Variants in SRGAP3 observed in about 807,000 individuals in gnomAD.
The protein encoded by SRGAP3 is SLIT-ROBO Rho GTPase activating protein 3.
A neutral mutation model predicts 121.1 loss-of-function variants in SRGAP3; 39 were observed. That is an observed-to-expected ratio of 0.32 (90% confidence interval 0.25 to 0.42). SRGAP3 has a LOEUF of 0.42. SRGAP3 is among the 10% of genes least tolerant of loss of function. The pLI, the probability that SRGAP3 is intolerant of heterozygous loss-of-function variation, is 1.00. For missense variants in SRGAP3, 1,213 were observed against 1,470.6 expected (o/e 0.82, Z 2.86); for synonymous variants, 601 against 570.0 (o/e 1.05, Z -0.77).
rs1953927161 is a variant in SRGAP3, at chr3:9,249,138, A to G, written c.-187T>C. ...TCCTTCTGGAAGGAAAAATCTCTTTACTTGCCGAGAAATGGCTCTAGTAGC... is the reference window on the plus strand; with the variant it reads ...TCCTTCTGGAAGGAAAAATCTCTTTGCTTGCCGAGAAATGGCTCTAGTAGC... On this transcript the variant is annotated 5_prime_UTR_variant, in exon 1 of 22. Transcript: ENST00000383836. 1.5e-6 allele frequency: 1 copy of G among 662,562 alleles called. No individual in the cohort carries two copies. The highest frequency in any genetic ancestry group is 2.4e-5 in the Admixed American group (1 of 41,256). The allele number at this position is 662,562 out of a possible 1,614,324, so 41.0% of individuals were successfully genotyped here.
chr3:9,272,681 C>T (rs1431746736), intron 3 of SRGAP3, among the ~76,000 whole-genome samples: 2 of 151,986 alleles, frequency 1.3e-5, no homozygotes, highest in Non-Finnish European at 2.9e-5. Context: ...TTGCTTTTAC[C>T]TTTTGGCTAT....
intron 1 of SRGAP3, among the ~76,000 whole-genome samples, chr3:9,340,165 A>G (rs1423465963): frequency 2.0e-5 from 3 of 152,238 alleles, no homozygotes; most frequent in African/African-American, 7.2e-5. Flanking sequence ...CTTTCAGGTG[A>G]TATTTCCCAA....
chr3:9,093,664 A>G (rs1947849453), intron 3 of SRGAP3, among the ~76,000 whole-genome samples: 1 of 152,000 alleles, frequency 6.6e-6, no homozygotes, highest in South Asian at 2.1e-4. Flanking sequence ...AGTCCCCATT[A>G]TCTTTCACCA....
At chr3:9,186,359 A>G (rs1951594458) in intron 1 of SRGAP3, among the ~76,000 whole-genome samples, 1 of 152,174 alleles carries the variant, frequency 6.6e-6, no homozygotes, top group Admixed American at 6.5e-5. Flanking sequence ...CTACTTCCTG[A>G]GTAATATAAA....
At chr3:9,220,640 T>A (rs1316474063) in intron 1 of SRGAP3, among the ~76,000 whole-genome samples, 1 of 152,204 alleles carries the variant, frequency 6.6e-6, no homozygotes, top group Non-Finnish European at 1.5e-5. Context: ...ACAGATGGGA[T>A]CCTTGACATT....
intron 1 of SRGAP3, among the ~76,000 whole-genome samples, chr3:9,165,178 C>T (rs1176411431): frequency 6.6e-6 from 1 of 152,246 alleles, no homozygotes; most frequent in Non-Finnish European, 1.5e-5. Context: ...CCAGTGGAGG[C>T]CTATCTTCCT....
At chr3:9,119,498 C>T (rs1013828837) in intron 2 of SRGAP3, among the ~76,000 whole-genome samples, 5 of 152,250 alleles carry the variant, frequency 3.3e-5, no homozygotes, top group African/African-American at 1.2e-4. Flanking sequence ...TCTCAGGCCT[C>T]AGCTTAAACC....
intron 2 of SRGAP3, among the ~76,000 whole-genome samples, chr3:9,117,497 G>A (rs893443374): frequency 6.6e-6 from 1 of 152,182 alleles, no homozygotes; most frequent in African/African-American, 2.4e-5. Flanking sequence ...CTAGCCAAGT[G>A]CCTCCCAGCA....
chr3:9,166,618 C>A (rs1171206109), intron 1 of SRGAP3, among the ~76,000 whole-genome samples: 1 of 152,184 alleles, frequency 6.6e-6, no homozygotes, highest in African/African-American at 2.4e-5. Context: ...GGAGCAGAGC[C>A]TCCAAGACAG....
intron 6 of SRGAP3, chr3:9,058,715 T>C (rs151202181): frequency 6.3e-5 from 2 of 31,704 alleles, no homozygotes; most frequent in East Asian, 1.3e-3. Context: ...TCTCTCTCTC[T>C]TTTTTTTTTT....
chr3:9,087,991 G>C (rs1947574779), intron 3 of SRGAP3, among the ~76,000 whole-genome samples: 1 of 152,154 alleles, frequency 6.6e-6, no homozygotes, highest in Non-Finnish European at 1.5e-5. Context: ...AAGACTCAAA[G>C]GCGTTCTTTC....
intron 3 of SRGAP3, among the ~76,000 whole-genome samples, chr3:9,310,687 C>T (rs898304361): frequency 2.6e-5 from 4 of 152,168 alleles, no homozygotes; most frequent in African/African-American, 7.2e-5. Flanking sequence ...GAGTGAAAAC[C>T]AGCTGACTGC....
At position 9,013,345 on chromosome 3, in the gene SRGAP3, C is replaced by T. The variant is rs1171487225; in HGVS notation, c.2110G>A (p.Val704Met). The part of the protein sequence containing the change: ...FPSPRELEGP[V>M]YEKCMAGGEE... Reference sequence around the variant, plus strand: ...CCTCCAGCCATGCATTTTTCATACACAGGTCCCTCTAGCTCCCGGGGGCTG... The same window carrying T: ...CCTCCAGCCATGCATTTTTCATACATAGGTCCCTCTAGCTCCCGGGGGCTG... The change falls in exon 17 of 22, where the codon GTG (valine) becomes ATG (methionine). Residue 704 changes from valine to methionine, a missense_variant. Coordinates refer to ENST00000383836, the MANE Select transcript of SRGAP3 (RefSeq NM_014850.4). The T allele has an allele frequency of 6.2e-7, 1 of 1,614,120 alleles. No individual in the cohort carries two copies. The highest frequency in any genetic ancestry group is 2.2e-5 in the East Asian group (1 of 44,868).
At chr3:9,045,077 C>A (rs1000599107) in intron 10 of SRGAP3, among the ~76,000 whole-genome samples, 1 of 150,884 alleles carries the variant, frequency 6.6e-6, no homozygotes, top group Non-Finnish European at 1.5e-5. Context: ...ATATAGCATA[C>A]TAATGTAAAA....
At chr3:9,348,288 G>C (rs568421019) in intron 1 of SRGAP3, among the ~76,000 whole-genome samples, 1 of 152,108 alleles carries the variant, frequency 6.6e-6, no homozygotes, top group African/African-American at 2.4e-5. Flanking sequence ...AATATGCAAT[G>C]ACTAAGGAAG....
chr3:9,205,520 A>G (rs1393377151), intron 1 of SRGAP3, among the ~76,000 whole-genome samples: 3 of 152,224 alleles, frequency 2.0e-5, no homozygotes, highest in Non-Finnish European at 4.4e-5. Flanking sequence ...AAGCATTTGC[A>G]TCACCACACA....
intron 1 of SRGAP3, among the ~76,000 whole-genome samples, chr3:9,136,408 C>CCCGACCG (rs1553675063): frequency 7.1e-6 from 1 of 139,868 alleles, no homozygotes; most frequent in Non-Finnish European, 1.6e-5. Flanking sequence ...CCCCCCCCCC[C>CCCGACCG]GACCGCCCCG....
At chr3:9,343,517 CAT>C (rs1484798038) in intron 1 of SRGAP3, among the ~76,000 whole-genome samples, 3 of 152,068 alleles carry the variant, frequency 2.0e-5, no homozygotes, top group East Asian at 1.9e-4. Context: ...TTATAGAAGT[CAT>C]ATATGTTTAT....
chr3:9,031,984 C>A (rs1161014308), intron 12 of SRGAP3, among the ~76,000 whole-genome samples: 21 of 152,154 alleles, frequency 1.4e-4, no homozygotes, highest in African/African-American at 4.8e-4. Flanking sequence ...ATCTCATACC[C>A]TTTACACCAA....
Sources: allele counts gnomAD v4.1 joint callset (sites outside exome capture counted in the v4.1 genomes callset), GRCh38; gene constraint gnomAD v4.1.1; transcripts MANE v1.5; gene names NCBI Gene and HGNC (gene_info 2026-07-23, HGNC 2026-07-21).